MAPK4: variants seen among roughly 807,000 people sequenced by gnomAD.
The protein encoded by MAPK4 is mitogen-activated protein kinase 4.
MAPK4 carries 22 observed loss-of-function variants against 47.7 expected under a neutral mutation model. That is an observed-to-expected ratio of 0.46 (90% confidence interval 0.33 to 0.66). MAPK4 has a LOEUF of 0.66. Among genes scored for constraint, MAPK4 ranks in the 30% least tolerant of loss-of-function variants. The pLI is 0.02. For synonymous variants in MAPK4, 390 were observed against 365.7 expected, an observed-to-expected ratio of 1.07 and a Z score of -0.76; for missense variants, 736 against 831.7, an observed-to-expected ratio of 0.88 and a Z score of 1.42.
In MAPK4 at chr18:50,582,863, C is replaced by CA. The variant is rs139153013; in HGVS notation, c.-871+22622dup. ...AGAGATGCCAGCAATCATGGAGCCC[C>CA]AAGGGGTGTTACAGCTCTTGCTCAG... is the stretch of plus-strand genomic sequence containing the variant. On this transcript the variant is annotated intron_variant, in intron 1 of 5. Coordinates refer to ENST00000400384, the MANE Select transcript of MAPK4 (RefSeq NM_002747.4). Among the ~76,000 whole-genome samples the CA allele has an allele frequency of 9.3e-3, 1,419 of 152,336 alleles. 19 individuals are homozygous for CA. Among genetic ancestry groups the CA allele is most frequent in the African/African-American group, 0.032 (1,316 of 41,566 alleles).
Position 50,719,404 on chromosome 18 carries a change from CCTG to C in MAPK4, c.692-2531_692-2529del, listed in dbSNP as rs759849561. ...CCTATCTGTGCCCAGGGTGAGCCAT[CCTG>C]CTATCTTATTTTTCCAACTGAAATT... On this transcript the variant is annotated intron_variant, in intron 3 of 5. Coordinates refer to ENST00000400384, the MANE Select transcript of MAPK4 (RefSeq NM_002747.4). 9.2e-5 allele frequency among the ~76,000 whole-genome samples: 14 copies of C among 152,268 alleles called. No homozygotes were observed. The East Asian group carries it at 1.2e-3, about 13-fold the overall frequency.
intron 1 of MAPK4, among the ~76,000 whole-genome samples, chr18:50,588,758 GT>G (rs1246702050): frequency 6.6e-6 from 1 of 152,134 alleles, no homozygotes; most frequent in Non-Finnish European, 1.5e-5. Context: ...GTTTCACCAT[GT>G]TGCCCAGGCT....
intron 1 of MAPK4, among the ~76,000 whole-genome samples, chr18:50,583,576 A>G (rs1469254881): frequency 6.6e-6 from 1 of 152,190 alleles, no homozygotes; most frequent in Admixed American, 6.5e-5. Flanking sequence ...GCAACAGAGC[A>G]AGACTCTGTC....
At chr18:50,639,483 A>G (rs999718079) in intron 1 of MAPK4, among the ~76,000 whole-genome samples, 3 of 152,206 alleles carry the variant, frequency 2.0e-5, no homozygotes, top group Non-Finnish European at 4.4e-5. Flanking sequence ...ATGTTCCAAA[A>G]TTATATATGG....
intron 1 of MAPK4, among the ~76,000 whole-genome samples, chr18:50,642,653 A>G (rs2042951061): frequency 6.6e-6 from 1 of 152,206 alleles, no homozygotes; most frequent in Non-Finnish European, 1.5e-5. Context: ...GCCTTTGAAC[A>G]CTGCATGTGG....
intron 2 of MAPK4, among the ~76,000 whole-genome samples, chr18:50,698,835 G>A (rs1909637101): frequency 1.3e-5 from 2 of 152,110 alleles, no homozygotes; most frequent in Admixed American, 6.6e-5. Context: ...TTCAAGCCTG[G>A]CCAACATGGT....
rs1911529119 is a variant in MAPK4 at position 50,730,913 on chromosome 18, T to C, written c.*1059T>C. On this transcript the variant is annotated 3_prime_UTR_variant, in exon 6 of 6. Transcript: ENST00000400384. Reference sequence around the variant, plus strand: ...GGAGGACAGCAGTGAGGTCCTGCCATAGAGCAAATGTGTTAGGAGAGAAGG... The same window carrying C: ...GGAGGACAGCAGTGAGGTCCTGCCACAGAGCAAATGTGTTAGGAGAGAAGG... The C allele has an allele frequency of 6.6e-6, 1 of 151,904 alleles. No homozygotes were observed. The highest frequency in any genetic ancestry group is 2.1e-4 in the South Asian group (1 of 4,802). 9.4% of individuals were successfully genotyped at this position (151,904 alleles called of 1,614,324 possible). A position where few individuals can be genotyped will look rare whatever the true frequency, so the allele number is the denominator to read the frequency against.
At chr18:50,674,521 C>G (rs1275120765) in intron 2 of MAPK4, among the ~76,000 whole-genome samples, 1 of 152,156 alleles carries the variant, frequency 6.6e-6, no homozygotes, top group Non-Finnish European at 1.5e-5. Flanking sequence ...CACTCCACTC[C>G]CTCGTGTTGT....
intron 1 of MAPK4, among the ~76,000 whole-genome samples, chr18:50,592,794 G>A (rs957743348): frequency 1.1e-4 from 17 of 152,282 alleles, no homozygotes; most frequent in Middle Eastern, 3.4e-3. Flanking sequence ...AACCTTAGGG[G>A]CTGTGTAGTC....
chr18:50,663,141 A>G lies in MAPK4; in HGVS notation c.-818A>G, dbSNP rs1907373951. 1 of 152,234 alleles carries G rather than the reference A, an allele frequency of 6.6e-6. No homozygotes were observed. Among genetic ancestry groups the G allele is most frequent in the African/African-American group, 2.4e-5 (1 of 41,462 alleles). 9.4% of individuals were successfully genotyped at this position (152,234 alleles called of 1,614,324 possible). On this transcript the variant is annotated 5_prime_UTR_variant, in exon 2 of 6. Coordinates refer to ENST00000400384, the MANE Select transcript of MAPK4 (RefSeq NM_002747.4). ...ACATTCCTGCAGCCTCTCTTGGTGC[A>G]GTGGAATACAGTCTTGGGCGAGGTG...
In MAPK4 at chr18:50,566,794, AT is replaced by A. The variant is rs141775296; in HGVS notation, c.-871+6554del. Among the ~76,000 whole-genome samples the A allele has an allele frequency of 5.3e-3, 810 of 152,320 alleles. 8 individuals carry two copies. The highest frequency in any genetic ancestry group is 0.018 in the African/African-American group (762 of 41,578). ...CTAGAATAAAAACATTTATTTGTCT[AT>A]TTAAAAAAGTAATATATATTCATTA... On this transcript the variant is annotated intron_variant, in intron 1 of 5. Coordinates refer to ENST00000400384, the MANE Select transcript of MAPK4 (RefSeq NM_002747.4).
chr18:50,608,708 T>TA (rs1012745843), intron 1 of MAPK4, among the ~76,000 whole-genome samples: 3 of 151,976 alleles, frequency 2.0e-5, no homozygotes, highest in African/African-American at 7.2e-5. Context: ...TTCTTTTTTT[T>TA]ATTTTATTTT....
rs527589275 is a variant in MAPK4, at chr18:50,653,883, T to C, written c.-870-9206T>C. ...TGCCAGAGACAAAGAAAGATCCCGT[T>C]AGCAATGGGAGCGTGAGGTCAGAGT... On this transcript the variant is annotated intron_variant, in intron 1 of 5. Transcript: ENST00000400384. Among the ~76,000 whole-genome samples, 7 of 152,308 alleles carry C rather than the reference T, an allele frequency of 4.6e-5. No homozygotes were observed. In the East Asian group the frequency reaches 9.7e-4, roughly 21 times the overall value.
intron 1 of MAPK4, among the ~76,000 whole-genome samples, chr18:50,602,641 C>T (rs1012669330): frequency 1.3e-5 from 2 of 152,166 alleles, no homozygotes; most frequent in Admixed American, 6.5e-5. Context: ...TCTAAGTATG[C>T]TTGAAATCTA....
chr18:50,683,573 C>T (rs369886456), intron 2 of MAPK4, among the ~76,000 whole-genome samples: 2 of 150,938 alleles, frequency 1.3e-5, no homozygotes, highest in Non-Finnish European at 2.9e-5. Context: ...AAAATAAATA[C>T]GTTTATTCAA....
chr18:50,569,457 T>C (rs2042231467), intron 1 of MAPK4, among the ~76,000 whole-genome samples: 1 of 152,174 alleles, frequency 6.6e-6, no homozygotes, highest in South Asian at 2.1e-4. Flanking sequence ...CAATAGTGGG[T>C]CAATTTTGGG....
At chr18:50,714,974 G>T in intron 2 of MAPK4, 105 bp from the exon 3 acceptor site, 2 of 1,120,298 alleles carry the variant, frequency 1.8e-6, no homozygotes, top group African/African-American at 1.5e-5. Flanking sequence ...GAATGAAAGG[G>T]ACCCTGAAAG....
intron 2 of MAPK4, among the ~76,000 whole-genome samples, chr18:50,679,073 C>G (rs1908435405): frequency 6.6e-6 from 1 of 152,210 alleles, no homozygotes; most frequent in Admixed American, 6.5e-5. Context: ...TTGTCAATCC[C>G]TATGCCTTTT....
intron 5 of MAPK4, among the ~76,000 whole-genome samples, chr18:50,728,840 C>G (rs568862353): frequency 2.0e-5 from 3 of 152,204 alleles, no homozygotes; most frequent in Admixed American, 1.3e-4. Context: ...GAAAGTTTCA[C>G]GAGGACAGGG....
Sources: allele counts gnomAD v4.1 joint callset (sites outside exome capture counted in the v4.1 genomes callset), GRCh38; gene constraint gnomAD v4.1.1; transcripts MANE v1.5; gene names NCBI Gene and HGNC (gene_info 2026-07-23, HGNC 2026-07-21).